ATG7: variants seen among roughly 807,000 people sequenced by gnomAD.
The protein encoded by ATG7 is autophagy related 7.
A neutral mutation model predicts 82.4 loss-of-function variants in ATG7; 70 were observed. The observed-to-expected ratio is 0.85, with a 90% CI of 0.70 to 1.04. The LOEUF is 1.04. ATG7 is among the 50% of genes least tolerant of loss of function. The pLI, the probability that ATG7 is intolerant of heterozygous loss-of-function variation, is 0.00. For missense variants in ATG7, 792 were observed against 864.3 expected (o/e 0.92, Z 1.05); for synonymous variants, 287 against 313.0 (o/e 0.92, Z 0.88).
chr3:11,340,539 C>T, intron 11 of ATG7, 106 bp from the exon 12 acceptor site: 1 of 950,022 alleles, frequency 1.1e-6, no homozygotes, highest in Non-Finnish European at 1.6e-6. Context: ...CTTGTCAATG[C>T]ATGGGCCATT....
intron 20 of ATG7, among the ~76,000 whole-genome samples, chr3:11,489,150 G>A (rs1165937486): frequency 6.6e-6 from 1 of 152,202 alleles, no homozygotes; most frequent in Non-Finnish European, 1.5e-5. Context: ...ATGTGTCGAG[G>A]AATTTATCCA....
chr3:11,520,379 C>A (rs1008660705), intron 20 of ATG7, among the ~76,000 whole-genome samples: 1 of 152,222 alleles, frequency 6.6e-6, no homozygotes, highest in African/African-American at 2.4e-5. Context: ...GGAGCTGATA[C>A]ATCTACTTCC....
intron 20 of ATG7, among the ~76,000 whole-genome samples, chr3:11,449,970 T>A (rs1171150067): frequency 6.6e-6 from 1 of 152,220 alleles, no homozygotes; most frequent in African/African-American, 2.4e-5. Context: ...CTCAATAAAC[T>A]AGTCTCTCTG....
chr3:11,525,269 G>A (rs939494699), intron 20 of ATG7, among the ~76,000 whole-genome samples: 14 of 151,240 alleles, frequency 9.3e-5, no homozygotes, highest in Non-Finnish European at 1.6e-4. Context: ...GACCTCAGGT[G>A]ATCTACCCGC....
intron 1 of ATG7, among the ~76,000 whole-genome samples, chr3:11,279,119 AG>A (rs1056655862): frequency 6.6e-6 from 1 of 152,142 alleles, no homozygotes; most frequent in East Asian, 1.9e-4. Flanking sequence ...GCATGGGGCT[AG>A]TGCTGTCATC....
intron 19 of ATG7, among the ~76,000 whole-genome samples, chr3:11,382,832 A>G (rs1472539696): frequency 6.6e-6 from 1 of 152,204 alleles, no homozygotes; most frequent in Non-Finnish European, 1.5e-5. Flanking sequence ...AAACATTGGA[A>G]GAATAGTACA....
intron 20 of ATG7, among the ~76,000 whole-genome samples, chr3:11,465,051 A>ATT (rs11437004): frequency 4.6e-5 from 7 of 151,350 alleles, no homozygotes; most frequent in South Asian, 2.1e-4. Context: ...TAAAGGAAAA[A>ATT]TTTTTTTTCT....
chr3:11,483,608 T>C (rs1189333155), intron 20 of ATG7, among the ~76,000 whole-genome samples: 1 of 152,236 alleles, frequency 6.6e-6, no homozygotes, highest in Non-Finnish European at 1.5e-5. Flanking sequence ...AGCCCCCATT[T>C]TGGCTTCTTC....
chr3:11,436,526 A>G (rs7646500), intron 20 of ATG7, among the ~76,000 whole-genome samples: 126,659 of 152,184 alleles, frequency 0.83, 52,884 homozygotes, highest in East Asian at 1. Context: ...TCCACAAGGA[A>G]CAGTACCAAA....
At chr3:11,432,023 A>T (rs2082938898) in intron 20 of ATG7, among the ~76,000 whole-genome samples, 3 of 152,352 alleles carry the variant, frequency 2.0e-5, no homozygotes, top group Admixed American at 2.0e-4. Context: ...TGGTATAATC[A>T]TACTGCTGTT....
At position 11,360,766 on chromosome 3, in the gene ATG7, TGTG is replaced by T. The variant is rs2076233197; in HGVS notation, c.1670_1672del (p.Val557del). 2 of 1,614,210 alleles carry T rather than the reference TGTG, an allele frequency of 1.2e-6. No individual in the cohort carries two copies. The highest frequency in any genetic ancestry group is 1.1e-5 in the South Asian group (1 of 91,088). ...AGCTTGGCTGCTACTTCTGCAATGATGTGGTGGCCCCAGGAGATGTAAGTGGAT... is the reference window on the plus strand; with the variant it reads ...AGCTTGGCTGCTACTTCTGCAATGATGTGGCCCCAGGAGATGTAAGTGGAT... On this transcript the variant is annotated inframe_deletion, in exon 16 of 21. Transcript: ENST00000693202.
intron 20 of ATG7, among the ~76,000 whole-genome samples, chr3:11,508,984 C>CA (rs1441754674): frequency 5.3e-5 from 8 of 152,206 alleles, no homozygotes; most frequent in Non-Finnish European, 7.3e-5. Context: ...TAGAAGGAGA[C>CA]AGACTTTTTC....
intron 20 of ATG7, among the ~76,000 whole-genome samples, chr3:11,516,815 G>A (rs2092295810): frequency 6.6e-6 from 1 of 152,202 alleles, no homozygotes; most frequent in Admixed American, 6.5e-5. Flanking sequence ...TGGCGCAGTG[G>A]CTCACACCTG....
chr3:11,518,199 A>T (rs147761036), intron 20 of ATG7, among the ~76,000 whole-genome samples: 1 of 152,064 alleles, frequency 6.6e-6, no homozygotes. Context: ...CTAGAAAGTT[A>T]ATTAGAACCA....
chr3:11,509,975 G>A (rs1228077752), intron 20 of ATG7, among the ~76,000 whole-genome samples: 1 of 152,030 alleles, frequency 6.6e-6, no homozygotes, highest in Non-Finnish European at 1.5e-5. Context: ...TTTTTATCAG[G>A]GAAGCTTTCT....
intron 20 of ATG7, among the ~76,000 whole-genome samples, chr3:11,534,760 T>TG (rs1449948208): frequency 6.6e-6 from 1 of 152,190 alleles, no homozygotes; most frequent in Non-Finnish European, 1.5e-5. Context: ...CTTGACCACC[T>TG]GGGGGGAGTC....
chr3:11,279,084 C>T (rs1374793399), intron 1 of ATG7, among the ~76,000 whole-genome samples: 3 of 152,230 alleles, frequency 2.0e-5, no homozygotes, highest in Non-Finnish European at 4.4e-5. Flanking sequence ...CTCCCTACCT[C>T]TAGCCTCCTC....
intron 11 of ATG7, 112 bp from the exon 12 acceptor site, chr3:11,340,533 T>G: frequency 1.1e-6 from 1 of 883,212 alleles, no homozygotes; most frequent in African/African-American, 1.7e-5. Context: ...CAAAAGCTTG[T>G]CAATGCATGG....
chr3:11,315,959 G>A (rs540291208), intron 9 of ATG7, among the ~76,000 whole-genome samples: 29 of 152,246 alleles, frequency 1.9e-4, no homozygotes, highest in Admixed American at 3.3e-4. Context: ...TCTTGAATGC[G>A]TGACCTGCTT....
Sources: allele counts gnomAD v4.1 joint callset (sites outside exome capture counted in the v4.1 genomes callset), GRCh38; gene constraint gnomAD v4.1.1; transcripts MANE v1.5; gene names NCBI Gene and HGNC (gene_info 2026-07-23, HGNC 2026-07-21).